The following CYRIA variants were observed in gnomAD, a reference collection of about 807,000 sequenced individuals.
CYRIA encodes CYFIP-related Rac1 interactor A.
Under a neutral mutation model 43.9 loss-of-function variants are expected in CYRIA, and 15 were observed. That is an observed-to-expected ratio of 0.34 (90% confidence interval 0.23 to 0.53). The LOEUF (loss-of-function observed/expected upper bound fraction) is 0.53, where lower values mean the gene tolerates loss of function less well. Among genes scored for constraint, CYRIA ranks in the 20% least tolerant of loss-of-function variants. The pLI is 0.94. For synonymous variants in CYRIA, 117 were observed against 136.0 expected, an observed-to-expected ratio of 0.86 and a Z score of 0.97; for missense variants, 236 against 394.2, an observed-to-expected ratio of 0.60 and a Z score of 3.40.
At chr2:16,586,942 T>C (rs1488555962) in intron 3 of CYRIA, among the ~76,000 whole-genome samples, 2 of 152,104 alleles carry the variant, frequency 1.3e-5, no homozygotes, top group Middle Eastern at 3.2e-3. Context: ...AACATGAGCT[T>C]AGTTTGAGCA....
Position 16,578,969 on chromosome 2 carries a change from T to C in CYRIA, c.70+9081A>G, listed in dbSNP as rs142611835. Among the ~76,000 whole-genome samples, 416 of 152,226 alleles carry C rather than the reference T, an allele frequency of 2.7e-3. 2 individuals are homozygous for C. Among genetic ancestry groups the C allele is most frequent in the Admixed American group, 6.2e-3 (95 of 15,294 alleles). Reference sequence around the variant, plus strand: ...AAAGAAAACATACCCAGGCACATCATAGTGAAACTACTACAAAACAAAAAT... The same window carrying C: ...AAAGAAAACATACCCAGGCACATCACAGTGAAACTACTACAAAACAAAAAT... On this transcript the variant is annotated intron_variant, in intron 3 of 11. Coordinates refer to ENST00000381323, the MANE Select transcript of CYRIA (RefSeq NM_030797.4).
chr2:16,590,646 CA>C (rs776397981), intron 2 of CYRIA, among the ~76,000 whole-genome samples: 88 of 152,238 alleles, frequency 5.8e-4, no homozygotes, highest in Admixed American at 1.3e-3. Context: ...TCTGTCTCTT[CA>C]AAAGGTTATC....
chr2:16,573,953 C>T (rs1173318761), intron 3 of CYRIA, among the ~76,000 whole-genome samples: 1 of 152,142 alleles, frequency 6.6e-6, no homozygotes, highest in Non-Finnish European at 1.5e-5. Context: ...AATGTGGAAG[C>T]AACTTTGGAA....
intron 1 of CYRIA, among the ~76,000 whole-genome samples, chr2:16,627,577 T>A (rs752848425): frequency 3.3e-5 from 5 of 152,226 alleles, no homozygotes; most frequent in Non-Finnish European, 7.3e-5. Flanking sequence ...AAGTCACTTG[T>A]CCATGGGATT....
intron 2 of CYRIA, among the ~76,000 whole-genome samples, chr2:16,601,559 G>A (rs1029125962): frequency 4.6e-5 from 7 of 152,040 alleles, no homozygotes; most frequent in Admixed American, 3.3e-4. Flanking sequence ...ATCTTTAAGG[G>A]GTGACAATTT....
At chr2:16,602,680 C>G (rs1159629740) in intron 2 of CYRIA, among the ~76,000 whole-genome samples, 1 of 152,008 alleles carries the variant, frequency 6.6e-6, no homozygotes, top group African/African-American at 2.4e-5. Context: ...TTTTAAAGCT[C>G]TCATTTTACA....
chr2:16,552,816 C>A lies in CYRIA; in HGVS notation c.*120G>T. 1.5e-6 allele frequency: 1 copy of A among 681,894 alleles called. No individual in the cohort carries two copies. Among genetic ancestry groups the A allele is most frequent in the South Asian group, 1.7e-5 (1 of 57,472 alleles). 42.2% of individuals were successfully genotyped at this position (681,894 alleles called of 1,614,324 possible). Reference sequence around the variant, plus strand: ...GATACAAATTAAGGTCCATATATTTCAGTGACAAGAAGGAAACGGTTATGT... The same window carrying A: ...GATACAAATTAAGGTCCATATATTTAAGTGACAAGAAGGAAACGGTTATGT... On this transcript the variant is annotated 3_prime_UTR_variant, in exon 12 of 12. Transcript: ENST00000381323.
chr2:16,558,345 T>C (rs1666604368), intron 10 of CYRIA, among the ~76,000 whole-genome samples: 1 of 152,194 alleles, frequency 6.6e-6, no homozygotes, highest in Admixed American at 6.5e-5. Flanking sequence ...AGTTACATTT[T>C]TTATTGATAC....
At position 16,587,799 on chromosome 2, in the gene CYRIA, T is replaced by C. The variant is rs559053262; in HGVS notation, c.70+251A>G. Among the ~76,000 whole-genome samples, 8 of 152,216 alleles carry C rather than the reference T, an allele frequency of 5.3e-5. No individual in the cohort carries two copies. The East Asian group carries it at 1.4e-3, about 26-fold the overall frequency. On this transcript the variant is annotated intron_variant, in intron 3 of 11. Transcript: ENST00000381323. Reference sequence around the variant, plus strand: ...ACAAGCTCTCTCTTGCCTGCCACCATGTAAGACGTCCCTTACTGTTCCACT... The same window carrying C: ...ACAAGCTCTCTCTTGCCTGCCACCACGTAAGACGTCCCTTACTGTTCCACT...
chr2:16,563,560 A>G (rs1485059308), intron 5 of CYRIA, among the ~76,000 whole-genome samples: 1 of 152,194 alleles, frequency 6.6e-6, no homozygotes, highest in East Asian at 1.9e-4. Context: ...ACAGTTTTTT[A>G]AAGCTTAAGG....
intron 5 of CYRIA, 78 bp from the exon 6 acceptor site, chr2:16,562,219 G>A: frequency 6.8e-7 from 1 of 1,478,002 alleles, no homozygotes; most frequent in Non-Finnish European, 9.2e-7. Context: ...CCCAGCCTCA[G>A]TTGACAATCT....
intron 1 of CYRIA, among the ~76,000 whole-genome samples, chr2:16,638,600 T>C (rs891784855): frequency 2.6e-5 from 4 of 151,844 alleles, no homozygotes; most frequent in Non-Finnish European, 5.9e-5. Context: ...GCATAAGAAA[T>C]TGATGGGTTG....
chr2:16,651,698 C>A (rs1044868284), intron 1 of CYRIA, among the ~76,000 whole-genome samples: 4 of 152,202 alleles, frequency 2.6e-5, no homozygotes, highest in African/African-American at 9.6e-5. Context: ...GAGATGAAGA[C>A]CCAGGGAGGC....
chr2:16,559,327 T>C, intron 10 of CYRIA, 133 bp downstream of exon 10: 1 of 1,079,894 alleles, frequency 9.3e-7, no homozygotes, highest in Non-Finnish European at 1.3e-6. Flanking sequence ...TGAGGACAGC[T>C]GCCAGGATGG....
At position 16,561,998 on chromosome 2, in the gene CYRIA, G is replaced by A; in HGVS notation, c.435+7C>T. On this transcript the variant is annotated splice_region_variant and intron_variant, in intron 6 of 11. Coordinates refer to ENST00000381323, the MANE Select transcript of CYRIA (RefSeq NM_030797.4). ...TTATTAAATTTTCACAGCACATTTG[G>A]CCTAACCTTCAGCTCATCGAATCGA... 6.2e-7 allele frequency: 1 copy of A among 1,610,558 alleles called. No individual in the cohort carries two copies. Among genetic ancestry groups the A allele is most frequent in the Non-Finnish European group, 8.5e-7 (1 of 1,178,274 alleles).
At chr2:16,644,960 C>T (rs1479293169) in intron 1 of CYRIA, among the ~76,000 whole-genome samples, 1 of 152,200 alleles carries the variant, frequency 6.6e-6, no homozygotes, top group East Asian at 1.9e-4. Context: ...AAACCGATTA[C>T]CATTAAAATG....
At chr2:16,578,966 T>C (rs1667450808) in intron 3 of CYRIA, among the ~76,000 whole-genome samples, 1 of 152,132 alleles carries the variant, frequency 6.6e-6, no homozygotes. Context: ...CCCAGGCACA[T>C]CATAGTGAAA....
intron 2 of CYRIA, among the ~76,000 whole-genome samples, chr2:16,604,823 G>T (rs1245273134): frequency 6.6e-6 from 1 of 152,200 alleles, no homozygotes; most frequent in Non-Finnish European, 1.5e-5. Flanking sequence ...GAAGTCATGA[G>T]GTTTTCTGTT....
At chr2:16,564,421 C>G (rs1365674488) in intron 4 of CYRIA, among the ~76,000 whole-genome samples, 1 of 152,176 alleles carries the variant, frequency 6.6e-6, no homozygotes, top group African/African-American at 2.4e-5. Context: ...GAATTCTGCT[C>G]ATTATAAAGT....
Sources: gnomAD v4.1 joint callset for allele counts (sites outside exome capture counted in the v4.1 genomes callset) on GRCh38, gnomAD v4.1.1 for gene constraint, MANE v1.5 for transcripts, NCBI Gene and HGNC (gene_info 2026-07-23, HGNC 2026-07-21) for gene names.